Variants in YEATS4 observed in about 807,000 individuals in gnomAD.
The protein encoded by YEATS4 is YEATS domain-containing protein 4.
YEATS4 carries 17 observed loss-of-function variants against 30.1 expected under a neutral mutation model. That is an observed-to-expected ratio of 0.56 (90% CI 0.39 to 0.85). The LOEUF is 0.85. Ranked by LOEUF, YEATS4 falls within the 40% of genes least tolerant of loss-of-function variation. The pLI, the probability that YEATS4 is intolerant of heterozygous loss-of-function variation, is 0.00. For synonymous variants in YEATS4, 85 were observed against 87.5 expected, an observed-to-expected ratio of 0.97 and a Z score of 0.16; for missense variants, 142 against 268.3, an observed-to-expected ratio of 0.53 and a Z score of 3.29.
the YEATS4 span, among the ~76,000 whole-genome samples, chr12:69,421,161 A>G: frequency 6.6e-6 from 1 of 152,048 alleles, no homozygotes; most frequent in Non-Finnish European, 1.5e-5. Flanking sequence ...CACAGCTCTG[A>G]TATGCCACAT....
At chr12:69,388,344 A>C (rs1269432921) in intron 6 of YEATS4, among the ~76,000 whole-genome samples, 1 of 152,246 alleles carries the variant, frequency 6.6e-6, no homozygotes, top group Admixed American at 6.5e-5. Flanking sequence ...AGAAATACCT[A>C]GTTTTAGCTG....
At chr12:69,422,286 CTAAA>C in the YEATS4 span, among the ~76,000 whole-genome samples, 1 of 152,098 alleles carries the variant, frequency 6.6e-6, no homozygotes, top group Non-Finnish European at 1.5e-5. Flanking sequence ...TCAGTGAACT[CTAAA>C]TAGAAGTAAA....
the YEATS4 span, among the ~76,000 whole-genome samples, chr12:69,399,195 A>T: frequency 1.3e-5 from 2 of 152,062 alleles, no homozygotes; most frequent in Non-Finnish European, 1.5e-5. Context: ...GCTTCAAAGG[A>T]CATTCTAAAA....
At chr12:69,416,587 G>A in the YEATS4 span, among the ~76,000 whole-genome samples, 1 of 152,098 alleles carries the variant, frequency 6.6e-6, no homozygotes, top group Non-Finnish European at 1.5e-5. Context: ...GAAGCACCTG[G>A]GTCACATTCC....
At chr12:69,410,693 A>C in the YEATS4 span, among the ~76,000 whole-genome samples, 3 of 152,292 alleles carry the variant, frequency 2.0e-5, no homozygotes, top group Admixed American at 6.5e-5. Flanking sequence ...CCCAAGAAGA[A>C]TTTCAAGAGA....
At chr12:69,402,394 C>T in the YEATS4 span, among the ~76,000 whole-genome samples, 1 of 152,108 alleles carries the variant, frequency 6.6e-6, no homozygotes, top group East Asian at 1.9e-4. Context: ...GGAGGTTAGA[C>T]AAATATATAG....
At chr12:69,370,577 C>T in intron 4 of YEATS4, 129 bp from the exon 5 acceptor site, 1 of 680,622 alleles carries the variant, frequency 1.5e-6, no homozygotes. Flanking sequence ...CAATAAGTTG[C>T]AGTTGAAACA....
At chr12:69,392,784 A>G (rs368433439), downstream of YEATS4, among the ~76,000 whole-genome samples, 277 of 152,338 alleles carry the variant, frequency 1.8e-3, no homozygotes, top group African/African-American at 6.5e-3. Flanking sequence ...GTAATCTGCT[A>G]TGGGCTTTTC....
chr12:69,371,766 G>C (rs539979710), intron 6 of YEATS4, among the ~76,000 whole-genome samples: 2 of 152,316 alleles, frequency 1.3e-5, no homozygotes, highest in East Asian at 1.9e-4. Flanking sequence ...ACAGAACAAG[G>C]AAGTATAAGG....
chr12:69,372,589 C>T (rs1369101667), intron 6 of YEATS4, among the ~76,000 whole-genome samples: 1 of 139,316 alleles, frequency 7.2e-6, no homozygotes, highest in African/African-American at 2.7e-5. Flanking sequence ...GGCTGGAGGG[C>T]AGTGGCATGA....
chr12:69,409,130 G>C, the YEATS4 span, among the ~76,000 whole-genome samples: 3 of 152,150 alleles, frequency 2.0e-5, no homozygotes, highest in African/African-American at 7.2e-5. Flanking sequence ...AAGTTACTTG[G>C]TTTGAATCGT....
At chr12:69,412,610 G>A in the YEATS4 span, among the ~76,000 whole-genome samples, 23 of 152,128 alleles carry the variant, frequency 1.5e-4, no homozygotes, top group Admixed American at 9.2e-4. Context: ...CCAAGATCGC[G>A]CCACTGCACT....
chr12:69,372,554 A>ATTTTTTTTTTTT (rs1875688179), intron 6 of YEATS4, among the ~76,000 whole-genome samples: 1 of 36,460 alleles, frequency 2.7e-5, no homozygotes. Context: ...TTTTTTTTTG[A>ATTTTTTTTTTTT]GACAGAGCCT....
the YEATS4 span, among the ~76,000 whole-genome samples, chr12:69,416,034 A>G: frequency 1.9e-4 from 29 of 152,304 alleles, 1 homozygote; most frequent in South Asian, 5.8e-3. Context: ...GAACTGAGCC[A>G]TTACACCAGC....
At chr12:69,362,718 C>T (rs1024325497) in intron 1 of YEATS4, 70 bp from the exon 2 acceptor site, 1 of 1,214,902 alleles carries the variant, frequency 8.2e-7, no homozygotes, top group Non-Finnish European at 1.1e-6. Flanking sequence ...AGCAAGTTTT[C>T]AGAGCTCTTA....
At chr12:69,408,109 A>G in the YEATS4 span, among the ~76,000 whole-genome samples, 6 of 152,166 alleles carry the variant, frequency 3.9e-5, no homozygotes, top group Non-Finnish European at 5.9e-5. Context: ...GAAGAGAACT[A>G]TCAAGAGTGT....
the YEATS4 span, among the ~76,000 whole-genome samples, chr12:69,409,887 C>T: frequency 6.6e-6 from 1 of 152,114 alleles, no homozygotes; most frequent in Non-Finnish European, 1.5e-5. Flanking sequence ...AACACAGCCA[C>T]ATACAGGAGG....
the YEATS4 span, chr12:69,423,122 T>C: frequency 1.3e-5 from 2 of 152,240 alleles, no homozygotes; most frequent in Admixed American, 6.5e-5. Context: ...CTGGGCTTTA[T>C]GCTGTGGCAG....
At chr12:69,395,309 A>G (rs1415406113), downstream of YEATS4, among the ~76,000 whole-genome samples, 1 of 152,150 alleles carries the variant, frequency 6.6e-6, no homozygotes, top group Non-Finnish European at 1.5e-5. Context: ...ACAATAAAAA[A>G]TAGAAAAAAA....
Sources: gnomAD v4.1 joint callset for allele counts (sites outside exome capture counted in the v4.1 genomes callset) on GRCh38, gnomAD v4.1.1 for gene constraint, MANE v1.5 for transcripts, NCBI Gene and HGNC (gene_info 2026-07-23, HGNC 2026-07-21) for gene names.